The following LRIG1 variants were observed in gnomAD, a reference collection of about 807,000 sequenced individuals.
LRIG1 encodes leucine-rich repeats and immunoglobulin-like domains protein 1.
In LRIG1, 48 loss-of-function variants were observed where a neutral mutation model predicts 99.2. The observed-to-expected ratio is 0.48, with a 90% CI of 0.38 to 0.62. The LOEUF is 0.62. Ranked by LOEUF, LRIG1 falls within the 20% of genes least tolerant of loss-of-function variation. LRIG1 has a pLI of 0.00. For synonymous variants in LRIG1, 772 were observed against 596.1 expected (o/e 1.29, Z -4.30); for missense variants, 1,646 against 1,434.4 (o/e 1.15, Z -2.38).
chr3:66,407,611 A>T, intron 7 of LRIG1, 120 bp from the exon 8 acceptor site: 1 of 1,058,598 alleles, frequency 9.4e-7, no homozygotes, highest in Non-Finnish European at 1.4e-6. Flanking sequence ...ATGCACACGC[A>T]CGCGCGTGCG....
chr3:66,462,615 C>A (rs1042875476), intron 1 of LRIG1, 106 bp from the exon 2 acceptor site: 3 of 760,014 alleles, frequency 3.9e-6, no homozygotes, highest in East Asian at 2.7e-5. Context: ...AATCCAAGCC[C>A]CCATCCCATG....
chr3:66,447,123 A>T (rs1703757584), intron 3 of LRIG1, among the ~76,000 whole-genome samples: 1 of 152,166 alleles, frequency 6.6e-6, no homozygotes, highest in Admixed American at 6.5e-5. Flanking sequence ...TTTATGGTGT[A>T]CAAGAGCTGT....
At chr3:66,389,894 C>G (rs1701549509) in intron 12 of LRIG1, among the ~76,000 whole-genome samples, 1 of 152,110 alleles carries the variant, frequency 6.6e-6, no homozygotes, top group Non-Finnish European at 1.5e-5. Context: ...GTGATGATAC[C>G]AGCCATTTAG....
chr3:66,448,003 G>A lies in LRIG1; in HGVS notation c.365+3556C>T, dbSNP rs575425592. 1.4e-4 allele frequency among the ~76,000 whole-genome samples: 22 copies of A among 152,222 alleles called. No homozygotes were observed. The East Asian group carries it at 2.1e-3, about 15-fold the overall frequency. ...ATTTTATGAAATTAGCTCCCTCACC[G>A]GAACCCATTCTTATTAAGAGCTTTC... On this transcript the variant is annotated intron_variant, in intron 3 of 18. Coordinates refer to ENST00000273261, the MANE Select transcript of LRIG1 (RefSeq NM_015541.3).
chr3:66,406,921 A>G (rs908387539), intron 8 of LRIG1, among the ~76,000 whole-genome samples: 3 of 152,214 alleles, frequency 2.0e-5, no homozygotes, highest in African/African-American at 7.2e-5. Context: ...CAGTATTCCC[A>G]TGGTTTAGAG....
At chr3:66,493,013 C>A (rs1277070252) in intron 1 of LRIG1, among the ~76,000 whole-genome samples, 2 of 152,162 alleles carry the variant, frequency 1.3e-5, no homozygotes, top group Non-Finnish European at 2.9e-5. Context: ...CTATGCAATT[C>A]CAAACAGACC....
rs1161958376 is a variant in LRIG1, at chr3:66,398,195, C to T, written c.1233-12G>A. ...TCCCTCCAAGGTTCCTGAAACAGAA[C>T]ATACATTACTTATGCAAAGAAACCC... On this transcript the variant is annotated splice_polypyrimidine_tract_variant and intron_variant, in intron 10 of 18. Transcript: ENST00000273261. 6.2e-7 allele frequency: 1 copy of T among 1,610,298 alleles called. No homozygotes were observed. Among genetic ancestry groups the T allele is most frequent in the East Asian group, 2.2e-5 (1 of 44,860 alleles).
In LRIG1 at chr3:66,380,801, C is replaced by T. The variant is rs755418262; in HGVS notation, c.2831G>A (p.Gly944Glu). 5.6e-6 allele frequency: 9 copies of T among 1,614,188 alleles called. No homozygotes were observed. The East Asian group carries it at 1.6e-4, about 28-fold the overall frequency. Residue 944 changes from glycine to glutamate, a missense_variant, in exon 18 of 19, where the codon GGA becomes GAA. By Grantham distance (98) the Gly-to-Glu change is moderately conservative. Transcript: ENST00000273261. ...CACAGGCTGGGGGTGGAAGGCTTGT[C>T]CCCTGGAGTAACAGTCCACTTCGGT... ...CNTEVDCYSR[G>E]QAFHPQPVSR...
At chr3:66,418,893 T>C (rs542740485) in intron 3 of LRIG1, among the ~76,000 whole-genome samples, 2 of 152,098 alleles carry the variant, frequency 1.3e-5, no homozygotes, top group African/African-American at 4.8e-5. Flanking sequence ...CTCCCCGGCA[T>C]GAAAGGACCC....
At chr3:66,412,577 G>A (rs1702503212) in intron 6 of LRIG1, among the ~76,000 whole-genome samples, 1 of 152,240 alleles carries the variant, frequency 6.6e-6, no homozygotes, top group South Asian at 2.1e-4. Flanking sequence ...AAGCTGCAAA[G>A]GGAAGGGGGC....
intron 3 of LRIG1, among the ~76,000 whole-genome samples, chr3:66,431,758 GAATGAA>G (rs1366979755): frequency 6.6e-6 from 1 of 152,182 alleles, no homozygotes; most frequent in African/African-American, 2.4e-5. Context: ...AAAGGGAGCA[GAATGAA>G]CCTCCTTCTC....
rs866357940 is a variant in LRIG1, at chr3:66,393,916, C to A, written c.1468+124G>T. On this transcript the variant is annotated intron_variant, in intron 12 of 18. Transcript: ENST00000273261. ...TCAGCAAGAAATAAATTGCATCCAGCAGCTGATCTGTAACCACGGGCTGGG... is the reference window on the plus strand; with the variant it reads ...TCAGCAAGAAATAAATTGCATCCAGAAGCTGATCTGTAACCACGGGCTGGG... 7 of 986,520 alleles carry A rather than the reference C, an allele frequency of 7.1e-6. No individual in the cohort carries two copies. In the South Asian group the frequency reaches 1.1e-4, roughly 16 times the overall value. The allele number at this position is 986,520 out of a possible 1,614,324, so 61.1% of individuals were successfully genotyped here. A position where few individuals can be genotyped will look rare whatever the true frequency, so the allele number is the denominator to read the frequency against.
At chr3:66,495,598 T>C (rs1419449854) in intron 1 of LRIG1, among the ~76,000 whole-genome samples, 1 of 152,240 alleles carries the variant, frequency 6.6e-6, no homozygotes, top group East Asian at 1.9e-4. Flanking sequence ...ACCAACATCC[T>C]TTACTGCATA....
At chr3:66,464,388 C>G (rs1700424282) in intron 1 of LRIG1, among the ~76,000 whole-genome samples, 1 of 151,942 alleles carries the variant, frequency 6.6e-6, no homozygotes, top group African/African-American at 2.4e-5. Context: ...TGCCGCACAC[C>G]TAAAGGGGCA....
chr3:66,414,794 G>A (rs1257264479), intron 5 of LRIG1, 126 bp downstream of exon 5: 12 of 967,404 alleles, frequency 1.2e-5, no homozygotes, highest in Non-Finnish European at 1.7e-5. Flanking sequence ...GCCATTAATG[G>A]TAATTTATGG....
At chr3:66,380,524 T>C (rs766278287) in intron 18 of LRIG1, 35 bp from the exon 19 acceptor site, 3 of 1,613,888 alleles carry the variant, frequency 1.9e-6, no homozygotes, top group Non-Finnish European at 2.5e-6. Flanking sequence ...AGACCCCCAC[T>C]TGACCGTTTA....
chr3:66,435,070 TACGGCAC>T (rs921803489), intron 3 of LRIG1, among the ~76,000 whole-genome samples: 13 of 113,444 alleles, frequency 1.1e-4, no homozygotes, highest in African/African-American at 3.2e-4. Context: ...ATGGTTAAAG[TACGGCAC>T]ATCCATATTA....
In LRIG1 at chr3:66,404,208, T is replaced by C. The variant is rs1233155310; in HGVS notation, c.1160+990A>G. On this transcript the variant is annotated intron_variant, in intron 9 of 18. Transcript: ENST00000273261. ...CGCTTTTCAAAACAAATCAGAAGCA[T>C]CTACTATATAAAAAGACTCTCCCTA... is the stretch of plus-strand genomic sequence containing the variant. The C allele has an allele frequency of 5.5e-6, 7 of 1,271,800 alleles. No individual in the cohort carries two copies. In the Admixed American group the frequency reaches 1.6e-4, roughly 29 times the overall value. 78.8% of individuals were successfully genotyped at this position (1,271,800 alleles called of 1,614,324 possible).
chr3:66,497,018 G>C (rs1451667099), intron 1 of LRIG1, among the ~76,000 whole-genome samples: 1 of 152,170 alleles, frequency 6.6e-6, no homozygotes, highest in Non-Finnish European at 1.5e-5. Flanking sequence ...TAACTGATCT[G>C]GTATTGCAAA....
Sources: allele counts gnomAD v4.1 joint callset (sites outside exome capture counted in the v4.1 genomes callset), GRCh38; gene constraint gnomAD v4.1.1; transcripts MANE v1.5; gene names NCBI Gene and HGNC (gene_info 2026-07-23, HGNC 2026-07-21).